The following DOCK9 variants were observed in gnomAD, a reference collection of about 807,000 sequenced individuals.
The protein encoded by DOCK9 is dedicator of cytokinesis protein 9.
DOCK9 carries 89 observed loss-of-function variants against 263.3 expected under a neutral mutation model. The ratio of observed to expected loss-of-function variants is 0.34; its 90% CI spans 0.28 to 0.40. DOCK9 has a LOEUF of 0.40. Ranked by LOEUF, DOCK9 falls within the 10% of genes least tolerant of loss-of-function variation. The pLI is 1.00. For synonymous variants in DOCK9, 976 were observed against 973.1 expected, an observed-to-expected ratio of 1.00 and a Z score of -0.06; for missense variants, 2,140 against 2,603.4, an observed-to-expected ratio of 0.82 and a Z score of 3.87.
chr13:98,983,643 G>A (rs1183665168), intron 1 of DOCK9, among the ~76,000 whole-genome samples: 1 of 149,348 alleles, frequency 6.7e-6, no homozygotes, highest in Non-Finnish European at 1.5e-5. Context: ...TTGAGATGGA[G>A]TCTCACTCTG....
At chr13:98,893,329 C>T (rs1231950739) in intron 15 of DOCK9, among the ~76,000 whole-genome samples, 1 of 152,144 alleles carries the variant, frequency 6.6e-6, no homozygotes, top group East Asian at 1.9e-4. Flanking sequence ...AAAAGGTCTA[C>T]GTTTTAAAGA....
chr13:98,851,136 G>A (rs2093557654), intron 35 of DOCK9, among the ~76,000 whole-genome samples: 1 of 152,230 alleles, frequency 6.6e-6, no homozygotes, highest in South Asian at 2.1e-4. Context: ...CATAGATTGT[G>A]CCATCTAATC....
At position 98,848,501 on chromosome 13, in the gene DOCK9, A is replaced by G. The variant is rs1214616636; in HGVS notation, c.4061+91T>C. ...CCCATGGCCGCTTCCATGAACCCCA[A>G]CTGCCAACCGCCACTGATGACCAAT... On this transcript the variant is annotated intron_variant, in intron 37 of 52. Coordinates refer to ENST00000682017, the MANE Select transcript of DOCK9 (RefSeq NM_001366683.2). 5 of 1,393,708 alleles carry G rather than the reference A, an allele frequency of 3.6e-6. No homozygotes were observed. The Admixed American group carries it at 1.0e-4, about 28-fold the overall frequency. The allele number at this position is 1,393,708 out of a possible 1,614,324, so 86.3% of individuals were successfully genotyped here.
chr13:98,917,759 T>C (rs1240749055), intron 7 of DOCK9, among the ~76,000 whole-genome samples: 3 of 152,150 alleles, frequency 2.0e-5, no homozygotes, highest in Admixed American at 6.5e-5. Context: ...AAAGTGGTTT[T>C]TAAAGTTAGT....
At chr13:98,812,127 A>ATTT (rs56880707) in intron 45 of DOCK9, among the ~76,000 whole-genome samples, 32 of 77,638 alleles carry the variant, frequency 4.1e-4, no homozygotes, top group South Asian at 1.6e-3. Flanking sequence ...AAACCACAGG[A>ATTT]TTTTTTTTTT....
chr13:98,965,600 C>T (rs1307914880), intron 1 of DOCK9, among the ~76,000 whole-genome samples: 4 of 152,164 alleles, frequency 2.6e-5, no homozygotes, highest in Non-Finnish European at 4.4e-5. Flanking sequence ...CTTGTCTCAG[C>T]CCGTACTAAA....
intron 1 of DOCK9, among the ~76,000 whole-genome samples, chr13:99,082,752 A>G (rs964284527): frequency 6.6e-6 from 1 of 152,158 alleles, no homozygotes; most frequent in East Asian, 1.9e-4. Context: ...ACATAGCTCA[A>G]TTAATCCTTC....
At chr13:98,874,428 T>C (rs930203666) in intron 27 of DOCK9, among the ~76,000 whole-genome samples, 7 of 152,244 alleles carry the variant, frequency 4.6e-5, no homozygotes, top group African/African-American at 1.4e-4. Flanking sequence ...TTTTTGATTA[T>C]TATGAATAAA....
intron 1 of DOCK9, among the ~76,000 whole-genome samples, chr13:99,014,123 A>T (rs936780032): frequency 6.6e-6 from 1 of 152,192 alleles, no homozygotes; most frequent in Admixed American, 6.5e-5. Flanking sequence ...AAGAAAAACA[A>T]GCAGAATCCC....
At position 99,086,133 on chromosome 13, in the gene DOCK9, G is replaced by A. The variant is rs1275875281; in HGVS notation, c.129+90C>T. The A allele has an allele frequency of 1.1e-5, 15 of 1,380,858 alleles. No individual in the cohort carries two copies. In the East Asian group the frequency reaches 3.8e-4, roughly 35 times the overall value. The allele number at this position is 1,380,858 out of a possible 1,614,324, so 85.5% of individuals were successfully genotyped here. A position where few individuals can be genotyped will look rare whatever the true frequency, so the allele number is the denominator to read the frequency against. On this transcript the variant is annotated intron_variant, in intron 1 of 32. Coordinates refer to the DOCK9 transcript ENST00000427887. Reference sequence around the variant, plus strand: ...CAGCAGGGTCGGCCGCTCTGCCTCAGCCCTGCCGACTAAGAGGCGCCCGGC... The same window carrying A: ...CAGCAGGGTCGGCCGCTCTGCCTCAACCCTGCCGACTAAGAGGCGCCCGGC...
rs376425871 is a variant in DOCK9 at position 98,930,233 on chromosome 13, G to A, written c.268C>T (p.Arg90Ter). ...FQTAILRRQG[R>*]YICSTVPAKA... ...GCAGGCACTGTTGAGCATATGTATC[G>A]ACCCTGTCGTCTCAGGATGGCCGTC... The change falls in exon 3 of 53, where the codon CGA becomes TGA. Residue 90 changes from arginine (R) to a stop codon, truncating the protein, a stop_gained. Coordinates refer to ENST00000682017, the MANE Select transcript of DOCK9 (RefSeq NM_001366683.2). LOFTEE classifies it high-confidence loss of function. 1 of 1,611,494 alleles carries A rather than the reference G, an allele frequency of 6.2e-7. No individual in the cohort carries two copies. Among genetic ancestry groups the A allele is most frequent in the Non-Finnish European group, 8.5e-7 (1 of 1,178,850 alleles).
At chr13:99,008,653 C>T (rs919569712) in intron 1 of DOCK9, among the ~76,000 whole-genome samples, 2 of 152,212 alleles carry the variant, frequency 1.3e-5, no homozygotes, top group Admixed American at 6.5e-5. Context: ...GACTGGGTGG[C>T]TAAGCAACAG....
rs148169964 is a variant in DOCK9 at position 99,041,300 on chromosome 13, A to C, written c.129+44923T>G. On this transcript the variant is annotated intron_variant, in intron 1 of 32. Transcript: ENST00000427887. ...GGTGTTCAAGACCAGCCTGGGCAAC[A>C]TAGAGAAACCCTTTCTCTACAAAAA... Among the ~76,000 whole-genome samples, 789 of 152,246 alleles carry C rather than the reference A, an allele frequency of 5.2e-3. 8 individuals are homozygous for C. Among genetic ancestry groups the C allele is most frequent in the Middle Eastern group, 0.027 (8 of 294 alleles).
intron 29 of DOCK9, 65 bp downstream of exon 29, chr13:98,867,863 A>G (rs947837282): frequency 7.0e-7 from 1 of 1,436,630 alleles, no homozygotes; most frequent in African/African-American, 1.4e-5. Flanking sequence ...AAAAAGGAAA[A>G]AGATAATTCT....
chr13:99,037,176 A>C (rs1167943937), intron 1 of DOCK9, among the ~76,000 whole-genome samples: 3 of 152,236 alleles, frequency 2.0e-5, no homozygotes, highest in African/African-American at 7.2e-5. Context: ...AAAGAGAAAA[A>C]AATTATTCAA....
At chr13:98,946,374 C>T (rs1209128020) in intron 2 of DOCK9, among the ~76,000 whole-genome samples, 5 of 152,092 alleles carry the variant, frequency 3.3e-5, no homozygotes, top group Admixed American at 2.6e-4. Flanking sequence ...GCTGGTGAGA[C>T]TTGACTCCCC....
rs1270235374 is a variant in DOCK9 at position 98,880,530 on chromosome 13, T to C, written c.2871+17A>G. 1.3e-5 allele frequency: 21 copies of C among 1,613,744 alleles called. No homozygotes were observed. In the Middle Eastern group the frequency reaches 8.3e-4, roughly 63 times the overall value. On this transcript the variant is annotated intron_variant, in intron 26 of 52. Transcript: ENST00000682017. ...TAATCAGTTTCAATCAGAGCCACAC[T>C]GACTCTCCTGACATACCTTCAGTAG...
Position 98,800,411 on chromosome 13 carries a change from G to A in DOCK9, c.5793C>T (p.Asn1931=). 1 of 1,613,982 alleles carries A rather than the reference G, an allele frequency of 6.2e-7. No individual in the cohort carries two copies. Residue 1931 remains asparagine (N), a synonymous_variant, in exon 50 of 53, where the codon AAC becomes AAT. Transcript: ENST00000682017. ...PVMYQHHTDL[N]PIEVAIDEMS... is the part of the protein sequence containing the mutation. ...TCTCGTCAATGGCCACCTCGATGGG[G>A]TTCAGGTCAGTGTGGTGCTGGTACA...
At chr13:99,066,240 T>C (rs1165489080) in intron 1 of DOCK9, among the ~76,000 whole-genome samples, 3 of 152,220 alleles carry the variant, frequency 2.0e-5, no homozygotes, top group Non-Finnish European at 4.4e-5. Flanking sequence ...ATCAGCAGAA[T>C]GTCACCTTGT....
Sources: gnomAD v4.1 joint callset for allele counts (sites outside exome capture counted in the v4.1 genomes callset) on GRCh38, gnomAD v4.1.1 for gene constraint, MANE v1.5 for transcripts, NCBI Gene and HGNC (gene_info 2026-07-23, HGNC 2026-07-21) for gene names.